Variants in LRMDA observed in about 807,000 individuals in gnomAD.
LRMDA encodes the protein leucine rich melanocyte differentiation associated.
Under a neutral mutation model 29.8 loss-of-function variants are expected in LRMDA, and 18 were observed. The ratio of observed to expected loss-of-function variants is 0.60; its 90% CI spans 0.42 to 0.90. The LOEUF (loss-of-function observed/expected upper bound fraction) is 0.90. Among genes scored for constraint, LRMDA ranks in the 40% least tolerant of loss-of-function variants. LRMDA has a pLI of 0.00. For missense variants in LRMDA, 273 were observed against 273.9 expected (o/e 1.00, Z 0.02); for synonymous variants, 125 against 109.4 (o/e 1.14, Z -0.89).
At chr10:75,823,232 T>C (rs547275115) in intron 2 of LRMDA, among the ~76,000 whole-genome samples, 1 of 152,282 alleles carries the variant, frequency 6.6e-6, no homozygotes, top group South Asian at 2.1e-4. Context: ...AAAAGGCTAA[T>C]ATCCACCATC....
At chr10:76,108,100 G>A (rs1309617078) in intron 5 of LRMDA, among the ~76,000 whole-genome samples, 1 of 152,170 alleles carries the variant, frequency 6.6e-6, no homozygotes, top group Non-Finnish European at 1.5e-5. Flanking sequence ...TGGAAATATG[G>A]AAGATTTATC....
chr10:75,852,846 G>A (rs937394940), intron 2 of LRMDA, among the ~76,000 whole-genome samples: 2 of 151,734 alleles, frequency 1.3e-5, no homozygotes, highest in East Asian at 1.9e-4. Flanking sequence ...GTATTAGTCC[G>A]TTCTCATGCT....
intron 2 of LRMDA, among the ~76,000 whole-genome samples, chr10:75,687,914 G>A (rs1842101995): frequency 6.6e-6 from 1 of 152,198 alleles, no homozygotes. Flanking sequence ...GAACAACAAA[G>A]TGTAGATTAG....
intron 2 of LRMDA, among the ~76,000 whole-genome samples, chr10:76,034,712 A>G (rs1458604639): frequency 6.6e-6 from 1 of 152,252 alleles, no homozygotes; most frequent in Non-Finnish European, 1.5e-5. Flanking sequence ...GACATTGCAC[A>G]CGCAAGCACA....
chr10:75,467,297 G>A (rs1455092133), intron 2 of LRMDA, among the ~76,000 whole-genome samples: 1 of 152,178 alleles, frequency 6.6e-6, no homozygotes, highest in South Asian at 2.1e-4. Context: ...TGCAGCCAAG[G>A]CTTGGCTTGC....
chr10:76,541,369 C>T (rs1293922272), intron 6 of LRMDA, among the ~76,000 whole-genome samples: 1 of 152,132 alleles, frequency 6.6e-6, no homozygotes, highest in Admixed American at 6.5e-5. Flanking sequence ...GGCATGGGGG[C>T]ACATGCCTGT....
chr10:76,353,937 C>T (rs1242774985), intron 6 of LRMDA, among the ~76,000 whole-genome samples: 1 of 152,138 alleles, frequency 6.6e-6, no homozygotes, highest in African/African-American at 2.4e-5. Flanking sequence ...GGTCTGCTTT[C>T]TGTGATCTGG....
intron 2 of LRMDA, among the ~76,000 whole-genome samples, chr10:75,612,779 C>A: frequency 1.3e-5 from 2 of 148,148 alleles, no homozygotes; most frequent in Admixed American, 6.7e-5. Flanking sequence ...AATATTGATG[C>A]AGAACAAGGA....
intron 5 of LRMDA, among the ~76,000 whole-genome samples, chr10:76,101,097 T>C (rs569374005): frequency 6.6e-6 from 1 of 152,238 alleles, no homozygotes. Context: ...TCTTTTTTTT[T>C]ATTGCATGAG....
intron 2 of LRMDA, among the ~76,000 whole-genome samples, chr10:75,654,876 T>A (rs1841647298): frequency 6.6e-6 from 1 of 152,196 alleles, no homozygotes; most frequent in Non-Finnish European, 1.5e-5. Flanking sequence ...AGCTCAAGGA[T>A]TTGAAATCAC....
chr10:76,311,712 G>C (rs1840631958), intron 5 of LRMDA, among the ~76,000 whole-genome samples: 1 of 152,146 alleles, frequency 6.6e-6, no homozygotes, highest in African/African-American at 2.4e-5. Context: ...CATTAAGCCT[G>C]CAAAGATCAG....
At chr10:75,985,234 A>G (rs1847243501) in intron 2 of LRMDA, among the ~76,000 whole-genome samples, 1 of 152,220 alleles carries the variant, frequency 6.6e-6, no homozygotes, top group Non-Finnish European at 1.5e-5. Flanking sequence ...GAGAAAGTAA[A>G]TAAGAGGAAG....
chr10:76,426,729 GT>G, intron 6 of LRMDA, among the ~76,000 whole-genome samples: 2 of 152,250 alleles, frequency 1.3e-5, no homozygotes, highest in South Asian at 4.1e-4. Context: ...GGTTTTTATG[GT>G]TTTAGGTCTA....
At chr10:76,526,091 G>T (rs1843171666) in intron 6 of LRMDA, among the ~76,000 whole-genome samples, 1 of 152,138 alleles carries the variant, frequency 6.6e-6, no homozygotes, top group Non-Finnish European at 1.5e-5. Context: ...GTAGCACATT[G>T]GCTATTTGAT....
chr10:76,515,502 C>T (rs147398283), intron 6 of LRMDA, among the ~76,000 whole-genome samples: 2 of 151,994 alleles, frequency 1.3e-5, no homozygotes, highest in Non-Finnish European at 2.9e-5. Context: ...TCTGAATACA[C>T]GTCTTTTTTT....
At chr10:75,758,520 G>A (rs1207837190) in intron 2 of LRMDA, among the ~76,000 whole-genome samples, 1 of 152,196 alleles carries the variant, frequency 6.6e-6, no homozygotes, top group East Asian at 1.9e-4. Flanking sequence ...TCTACAGTCC[G>A]TCTTGCGTGG....
At chr10:75,831,376 G>A (rs1844341631) in intron 2 of LRMDA, among the ~76,000 whole-genome samples, 1 of 152,174 alleles carries the variant, frequency 6.6e-6, no homozygotes, top group Admixed American at 6.5e-5. Flanking sequence ...GCTCCAAAAT[G>A]ATCTCTTTTG....
chr10:75,730,455 C>A (rs1360734357), intron 2 of LRMDA, among the ~76,000 whole-genome samples: 1 of 152,148 alleles, frequency 6.6e-6, no homozygotes, highest in African/African-American at 2.4e-5. Context: ...GCAGGGTGCT[C>A]TAGCACTCTG....
chr10:75,470,765 G>A (rs756242107), intron 2 of LRMDA, among the ~76,000 whole-genome samples: 4 of 152,130 alleles, frequency 2.6e-5, no homozygotes, highest in Admixed American at 2.6e-4. Context: ...CACGTCCCAG[G>A]GTACATAAGG....
Sources: gnomAD v4.1 joint callset for allele counts (sites outside exome capture counted in the v4.1 genomes callset) on GRCh38, gnomAD v4.1.1 for gene constraint, MANE v1.5 for transcripts, NCBI Gene and HGNC (gene_info 2026-07-23, HGNC 2026-07-21) for gene names.